The following CLASP1 variants were observed in gnomAD, a reference collection of about 807,000 sequenced individuals.
The protein encoded by CLASP1 is cytoplasmic linker associated protein 1.
A neutral mutation model predicts 192.3 loss-of-function variants in CLASP1; 38 were observed. That is an observed-to-expected ratio of 0.20 (90% confidence interval 0.15 to 0.26). The LOEUF is 0.26. CLASP1 is among the 10% of genes least tolerant of loss of function. The pLI, the probability that CLASP1 is intolerant of heterozygous loss-of-function variation, is 1.00. For synonymous variants in CLASP1, 691 were observed against 712.8 expected (o/e 0.97, Z 0.49); for missense variants, 1,433 against 1,932.5 (o/e 0.74, Z 4.85).
chr2:121,579,284 C>A (rs562709425), intron 2 of CLASP1, among the ~76,000 whole-genome samples: 1 of 152,174 alleles, frequency 6.6e-6, no homozygotes, highest in Non-Finnish European at 1.5e-5. Context: ...GGGATTCCTT[C>A]ACATATGGAA....
chr2:121,520,747 G>A (rs1461207732), intron 6 of CLASP1, among the ~76,000 whole-genome samples: 2 of 152,194 alleles, frequency 1.3e-5, no homozygotes, highest in African/African-American at 2.4e-5. Context: ...CTAGTCAAGG[G>A]AATTCTTATT....
At chr2:121,587,312 C>A (rs1487812829) in intron 2 of CLASP1, among the ~76,000 whole-genome samples, 1 of 152,178 alleles carries the variant, frequency 6.6e-6, no homozygotes, top group Non-Finnish European at 1.5e-5. Context: ...TGCAGGGAAT[C>A]CTGCCCTCCC....
rs940667507 is a variant in CLASP1, at chr2:121,407,695, T to C, written c.2445A>G (p.Arg815=). ...CAGAATACATCCCATACGGCTCATA[T>C]CTCCTCCTCACAGGCTTCTTCTGAC... is the stretch of plus-strand genomic sequence containing the variant. Residue 815 remains arginine, a synonymous_variant, in exon 25 of 40, where the codon AGA becomes AGG. Transcript: ENST00000263710. The C allele has an allele frequency of 8.7e-6, 14 of 1,613,666 alleles. No individual in the cohort carries two copies. In the East Asian group the frequency reaches 2.0e-4, roughly 23 times the overall value.
chr2:121,566,170 C>A (rs2059483057), intron 2 of CLASP1, among the ~76,000 whole-genome samples: 1 of 152,160 alleles, frequency 6.6e-6, no homozygotes, highest in African/African-American at 2.4e-5. Context: ...ATCTCAAAGT[C>A]CTCCCACAAG....
intron 32 of CLASP1, among the ~76,000 whole-genome samples, chr2:121,383,842 GGTATTTGT>G (rs1327462339): frequency 6.6e-6 from 1 of 151,188 alleles, no homozygotes; most frequent in Non-Finnish European, 1.5e-5. Flanking sequence ...AATACCAAGT[GGTATTTGT>G]GTATTAGCTG....
chr2:121,387,961 T>C, intron 30 of CLASP1, 55 bp from the exon 32 acceptor site: 1 of 1,307,624 alleles, frequency 7.6e-7, no homozygotes, highest in Non-Finnish European at 1.1e-6. Flanking sequence ...CATCAAAATG[T>C]TGATTAAAGT....
intron 34 of CLASP1, among the ~76,000 whole-genome samples, chr2:121,373,535 C>G (rs2069235653): frequency 6.6e-6 from 1 of 152,116 alleles, no homozygotes; most frequent in African/African-American, 2.4e-5. Flanking sequence ...GATCAGAAGA[C>G]AGGAAAATGA....
intron 25 of CLASP1, 32 bp from the exon 27 acceptor site, chr2:121,404,466 T>A (rs1426815629): frequency 6.4e-7 from 1 of 1,567,238 alleles, no homozygotes; most frequent in South Asian, 1.2e-5. Context: ...TCAATGAATT[T>A]ACTACTTTTA....
intron 7 of CLASP1, among the ~76,000 whole-genome samples, chr2:121,506,560 A>T (rs1395608293): frequency 6.6e-6 from 1 of 152,126 alleles, no homozygotes; most frequent in African/African-American, 2.4e-5. Context: ...AAACACTGAC[A>T]TACTCCTGGG....
intron 15 of CLASP1, 89 bp downstream of exon 15, chr2:121,451,701 C>T: frequency 1.0e-6 from 1 of 997,452 alleles, no homozygotes; most frequent in Middle Eastern, 2.1e-4. Flanking sequence ...TTCCTCCATT[C>T]TTACAGAAAG....
In CLASP1 at chr2:121,528,664, C is replaced by A; in HGVS notation, c.378+13G>T. The A allele has an allele frequency of 6.2e-7, 1 of 1,612,914 alleles. No individual in the cohort carries two copies. The highest frequency in any genetic ancestry group is 1.1e-5 in the South Asian group (1 of 91,060). On this transcript the variant is annotated intron_variant, in intron 4 of 39. Coordinates refer to ENST00000263710, the Ensembl canonical transcript of CLASP1. ...CTGGCCAGCTGACCTCAAAACACATCTCTTGCCCCTACCTGGGGATTAGCA... is the reference window on the plus strand; with the variant it reads ...CTGGCCAGCTGACCTCAAAACACATATCTTGCCCCTACCTGGGGATTAGCA...
intron 8 of CLASP1, chr2:121,490,336 ATACCTAC>A: frequency 2.2e-6 from 1 of 448,586 alleles, no homozygotes; most frequent in South Asian, 1.6e-5. Context: ...TCTGAAAGCT[ATACCTAC>A]TCACAGCAAC....
chr2:121,463,902 A>G (rs910126912), intron 9 of CLASP1, among the ~76,000 whole-genome samples: 1 of 151,844 alleles, frequency 6.6e-6, no homozygotes, highest in African/African-American at 2.4e-5. Context: ...TGTGCCGGTT[A>G]GTTACATATG....
At chr2:121,551,205 G>A (rs867984912) in intron 2 of CLASP1, among the ~76,000 whole-genome samples, 6 of 151,946 alleles carry the variant, frequency 3.9e-5, no homozygotes, top group Middle Eastern at 3.2e-3. Flanking sequence ...AACATACTTC[G>A]AAGTAACAGC....
intron 7 of CLASP1, among the ~76,000 whole-genome samples, chr2:121,504,379 C>T (rs1452022337): frequency 6.6e-6 from 1 of 152,204 alleles, no homozygotes; most frequent in Admixed American, 6.5e-5. Context: ...CAGCTCTCAT[C>T]ATTTCAAATA....
At chr2:121,414,762 G>A (rs1476057397) in intron 23 of CLASP1, among the ~76,000 whole-genome samples, 2 of 152,160 alleles carry the variant, frequency 1.3e-5, no homozygotes, top group Non-Finnish European at 2.9e-5. Context: ...TTGTTGTTCT[G>A]TTGCATGAAT....
At chr2:121,610,622 T>TGGG (rs2065193842) in intron 1 of CLASP1, among the ~76,000 whole-genome samples, 1 of 72,576 alleles carries the variant, frequency 1.4e-5, no homozygotes, top group Admixed American at 1.5e-4. Context: ...GAAGAGGAAC[T>TGGG]GGAGGAGGAG....
chr2:121,393,616 G>A (rs1008578807), intron 30 of CLASP1, among the ~76,000 whole-genome samples: 2 of 152,096 alleles, frequency 1.3e-5, no homozygotes, highest in African/African-American at 4.8e-5. Flanking sequence ...TCTTGGGTAA[G>A]GCAGCTGCAT....
intron 1 of CLASP1, among the ~76,000 whole-genome samples, chr2:121,647,359 ACT>A (rs951491065): frequency 2.6e-5 from 4 of 152,270 alleles, no homozygotes; most frequent in African/African-American, 4.8e-5. Context: ...CAAGAGTGAA[ACT>A]CTGTTTCAAA....
Sources: gnomAD v4.1 joint callset for allele counts (sites outside exome capture counted in the v4.1 genomes callset) on GRCh38, gnomAD v4.1.1 for gene constraint, MANE v1.5 for transcripts, NCBI Gene and HGNC (gene_info 2026-07-23, HGNC 2026-07-21) for gene names.